PPP2R2C: variants seen among roughly 807,000 people sequenced by gnomAD.
PPP2R2C encodes the protein protein phosphatase 2, regulatory subunit B, gamma.
In PPP2R2C, 10 loss-of-function variants were observed where a neutral mutation model predicts 45.3. The ratio of observed to expected loss-of-function variants is 0.22; its 90% CI spans 0.14 to 0.37. The LOEUF is 0.37. Among genes scored for constraint, PPP2R2C ranks in the 10% least tolerant of loss-of-function variants. PPP2R2C has a pLI of 1.00. For missense variants in PPP2R2C, 308 were observed against 619.7 expected (o/e 0.50, Z 5.34); for synonymous variants, 257 against 245.4 (o/e 1.05, Z -0.44).
chr4:6,457,743 T>C (rs951168187), intron 1 of PPP2R2C, among the ~76,000 whole-genome samples: 5 of 152,170 alleles, frequency 3.3e-5, no homozygotes, highest in South Asian at 2.1e-4. Context: ...ATCAGAAACA[T>C]TGAGATGTCA....
At chr4:6,350,882 G>C (rs1712489029) in intron 5 of PPP2R2C, 1 of 985,312 alleles carries the variant, frequency 1.0e-6, no homozygotes, top group Non-Finnish European at 1.2e-6. Context: ...GAGGTGTGAA[G>C]TGGGTGTTTG....
chr4:6,423,519 T>C (rs1427515071), intron 1 of PPP2R2C, among the ~76,000 whole-genome samples: 1 of 152,172 alleles, frequency 6.6e-6, no homozygotes, highest in Non-Finnish European at 1.5e-5. Context: ...TAGGGATATT[T>C]TGGAAACCAA....
At chr4:6,363,024 A>G (rs1161261289) in intron 5 of PPP2R2C, among the ~76,000 whole-genome samples, 1 of 152,216 alleles carries the variant, frequency 6.6e-6, no homozygotes, top group Non-Finnish European at 1.5e-5. Flanking sequence ...CAGCGTGCTC[A>G]GAACACCGTG....
chr4:6,330,554 G>A lies in PPP2R2C; in HGVS notation c.961-1201C>T, dbSNP rs1577069771. On this transcript the variant is annotated intron_variant, in intron 7 of 8. Coordinates refer to ENST00000382599, the MANE Select transcript of PPP2R2C (RefSeq NM_020416.4). The surrounding 1 kb of genome is among the most constrained non-coding windows in gnomAD (Gnocchi z 7.0). ...CAAAGACAGACCTCCCTGAGGACCG[G>A]GGGATTCCGCTAACAGATGCGTGTG... Among the ~76,000 whole-genome samples the A allele has an allele frequency of 6.6e-6, 1 of 152,146 alleles. No homozygotes were observed. Among genetic ancestry groups the A allele is most frequent in the East Asian group, 1.9e-4 (1 of 5,194 alleles).
At chr4:6,530,610 T>C (rs4234756) in intron 2 of PPP2R2C, among the ~76,000 whole-genome samples, 140,072 of 152,180 alleles carry the variant, frequency 0.92, 65,600 homozygotes, top group East Asian at 1. Flanking sequence ...GACTCTGAGC[T>C]GGACTGCTGG....
intron 1 of PPP2R2C, among the ~76,000 whole-genome samples, chr4:6,390,298 C>T (rs1171811257): frequency 6.6e-6 from 1 of 152,100 alleles, no homozygotes; most frequent in Non-Finnish European, 1.5e-5. Context: ...GGACATACAG[C>T]GGGGTCTCCC....
chr4:6,521,103 T>A (rs1251893572), intron 2 of PPP2R2C, among the ~76,000 whole-genome samples: 1 of 152,202 alleles, frequency 6.6e-6, no homozygotes, highest in Non-Finnish European at 1.5e-5. Flanking sequence ...GTAACCAGCC[T>A]GAGGCCACAC....
chr4:6,481,978 CAAAAAAAAAAAAAA>C (rs59905632), intron 2 of PPP2R2C, among the ~76,000 whole-genome samples: 1 of 81,152 alleles, frequency 1.2e-5, no homozygotes, highest in Non-Finnish European at 2.2e-5. Context: ...GACTCCGTCT[CAAAAAAAAAAAAAA>C]AAAAAAAAAA....
intron 1 of PPP2R2C, among the ~76,000 whole-genome samples, chr4:6,537,905 T>C (rs1253341074): frequency 6.6e-6 from 1 of 152,146 alleles, no homozygotes; most frequent in Non-Finnish European, 1.5e-5. Flanking sequence ...TACTGTGTGA[T>C]TCCACTTATA....
At chr4:6,524,619 C>G (rs1395868295) in intron 2 of PPP2R2C, among the ~76,000 whole-genome samples, 1 of 152,162 alleles carries the variant, frequency 6.6e-6, no homozygotes, top group Non-Finnish European at 1.5e-5. Context: ...TGGTTGGCCA[C>G]CTGGGACTGG....
intron 1 of PPP2R2C, among the ~76,000 whole-genome samples, chr4:6,392,495 C>G (rs551447873): frequency 6.6e-6 from 1 of 152,078 alleles, no homozygotes; most frequent in East Asian, 1.9e-4. Flanking sequence ...CTGGGGGAGA[C>G]GCATTTGAGC....
intron 1 of PPP2R2C, among the ~76,000 whole-genome samples, chr4:6,456,071 T>C (rs1443372550): frequency 1.3e-5 from 2 of 152,202 alleles, no homozygotes; most frequent in African/African-American, 4.8e-5. Flanking sequence ...TCAACACTAA[T>C]CGGATCAATG....
chr4:6,416,247 C>A lies in PPP2R2C; in HGVS notation c.71-35153G>T, dbSNP rs151228818. Among the ~76,000 whole-genome samples, 82 of 152,350 alleles carry A rather than the reference C, an allele frequency of 5.4e-4. No homozygotes were observed. In the Middle Eastern group the frequency reaches 0.02, roughly 38 times the overall value. ...AGCCCTGGGGTGGCTTCCTTAGGTG[C>A]ACACAACCGCCCCCACGATGTGTGG... On this transcript the variant is annotated intron_variant, in intron 1 of 8. Coordinates refer to ENST00000382599, the MANE Select transcript of PPP2R2C (RefSeq NM_020416.4).
At chr4:6,395,680 G>A (rs1259165339) in intron 1 of PPP2R2C, among the ~76,000 whole-genome samples, 1 of 152,252 alleles carries the variant, frequency 6.6e-6, no homozygotes, top group Non-Finnish European at 1.5e-5. Flanking sequence ...CAGTCATACA[G>A]AGTGGTCAGC....
rs1273553580 is a variant in PPP2R2C at position 6,378,776 on chromosome 4, C to T, written c.169-204G>A. On this transcript the variant is annotated intron_variant, in intron 2 of 8. Coordinates refer to ENST00000382599, the MANE Select transcript of PPP2R2C (RefSeq NM_020416.4). The surrounding 1 kb of genome is among the most constrained non-coding windows in gnomAD (Gnocchi z 5.2). The stretch of plus-strand genomic sequence containing the variant: ...GGGACAAGCCCCGCTCCCGTGCGGT[C>T]CCATGAAACACTCACACCCGAGCCG... 6.6e-6 allele frequency among the ~76,000 whole-genome samples: 1 copy of T among 152,074 alleles called. No individual in the cohort carries two copies. The highest frequency in any genetic ancestry group is 1.9e-4 in the East Asian group (1 of 5,158).
At chr4:6,401,754 CAGAGG>C (rs1315037605) in intron 1 of PPP2R2C, among the ~76,000 whole-genome samples, 1 of 152,172 alleles carries the variant, frequency 6.6e-6, no homozygotes, top group African/African-American at 2.4e-5. Flanking sequence ...AATGAACTCA[CAGAGG>C]AAAGTCACAA....
At chr4:6,550,474 C>T (rs4302525) in intron 1 of PPP2R2C, among the ~76,000 whole-genome samples, 22,714 of 152,186 alleles carry the variant, frequency 0.15, 1,752 homozygotes, top group Admixed American at 0.18. Context: ...AACGCCAACC[C>T]GAAACACGTG....
upstream of PPP2R2C, among the ~76,000 whole-genome samples, chr4:6,473,677 A>T (rs1328743063): frequency 6.6e-6 from 1 of 152,118 alleles, no homozygotes; most frequent in African/African-American, 2.4e-5. Context: ...ACTTGTTTCA[A>T]ATGGTTCTGG....
intron 8 of PPP2R2C, among the ~76,000 whole-genome samples, chr4:6,327,713 G>T (rs1173462136): frequency 1.3e-5 from 2 of 152,186 alleles, no homozygotes; most frequent in African/African-American, 4.8e-5. Context: ...GTGTCCTGCT[G>T]ACCCAGCTGT....
Sources: allele counts gnomAD v4.1 joint callset (sites outside exome capture counted in the v4.1 genomes callset), GRCh38; gene constraint gnomAD v4.1.1; non-coding constraint Gnocchi (gnomAD v3.1); transcripts MANE v1.5; gene names NCBI Gene and HGNC (gene_info 2026-07-23, HGNC 2026-07-21).